Variants in SLC39A11 observed in about 807,000 individuals in gnomAD.
The protein encoded by SLC39A11 is solute carrier family 39 member 11.
SLC39A11 carries 33 observed loss-of-function variants against 36.1 expected under a neutral mutation model. The observed-to-expected ratio is 0.91, with a 90% CI of 0.69 to 1.22. The LOEUF (loss-of-function observed/expected upper bound fraction) is 1.22. Ranked by LOEUF, SLC39A11 falls within the 50% of genes most tolerant of loss-of-function variation. The pLI is 0.00. For synonymous variants in SLC39A11, 166 were observed against 170.3 expected (o/e 0.97, Z 0.20); for missense variants, 432 against 430.3 (o/e 1.00, Z -0.03).
chr17:73,007,014 G>A (rs2090224411), intron 4 of SLC39A11, among the ~76,000 whole-genome samples: 1 of 152,194 alleles, frequency 6.6e-6, no homozygotes, highest in Non-Finnish European at 1.5e-5. Flanking sequence ...GGGATGCAGA[G>A]GCAAACAAGA....
chr17:73,033,103 C>T (rs1045566112), intron 3 of SLC39A11, among the ~76,000 whole-genome samples: 7 of 152,154 alleles, frequency 4.6e-5, no homozygotes, highest in Admixed American at 2.6e-4. Context: ...AACCTAGATC[C>T]GTGGCATGTA....
intron 5 of SLC39A11, among the ~76,000 whole-genome samples, chr17:72,931,717 C>A (rs760457087): frequency 1.3e-4 from 20 of 152,240 alleles, no homozygotes; most frequent in Non-Finnish European, 2.6e-4. Context: ...ACAAGCCTCT[C>A]TGTAACTTCC....
chr17:72,835,727 A>C (rs2078507159), intron 6 of SLC39A11, among the ~76,000 whole-genome samples: 1 of 152,106 alleles, frequency 6.6e-6, no homozygotes, highest in Admixed American at 6.6e-5. Context: ...TCCCAACGAT[A>C]CACTCTGAAT....
At chr17:72,947,673 A>C (rs2085515900) in intron 5 of SLC39A11, 79 bp downstream of exon 5, 3 of 1,602,830 alleles carry the variant, frequency 1.9e-6, no homozygotes, top group Non-Finnish European at 2.6e-6. Flanking sequence ...TCATCCTACC[A>C]CCAGCCCCCA....
At chr17:73,078,004 T>C (rs925088435) in intron 3 of SLC39A11, among the ~76,000 whole-genome samples, 22 of 152,114 alleles carry the variant, frequency 1.4e-4, no homozygotes, top group African/African-American at 4.6e-4. Context: ...TTTGGGAGGC[T>C]GAGGTGGGTG....
intron 7 of SLC39A11, among the ~76,000 whole-genome samples, chr17:72,680,039 C>T (rs1443106059): frequency 1.6e-5 from 1 of 60,726 alleles, no homozygotes; most frequent in East Asian, 5.0e-4. Context: ...GAGACTCTGT[C>T]TCAAAAAAAA....
intron 7 of SLC39A11, among the ~76,000 whole-genome samples, chr17:72,684,011 A>G (rs902019952): frequency 2.0e-5 from 3 of 152,058 alleles, no homozygotes; most frequent in African/African-American, 7.2e-5. Context: ...AGGGCTATTC[A>G]AGTGCTTAGA....
At chr17:72,797,310 G>A (rs555443663) in intron 6 of SLC39A11, among the ~76,000 whole-genome samples, 65 of 152,194 alleles carry the variant, frequency 4.3e-4, no homozygotes, top group African/African-American at 1.6e-3. Flanking sequence ...GCAATACGGA[G>A]CCTCTGCAGG....
At chr17:72,714,329 C>T (rs1018850602) in intron 7 of SLC39A11, among the ~76,000 whole-genome samples, 1 of 151,906 alleles carries the variant, frequency 6.6e-6, no homozygotes, top group Admixed American at 6.6e-5. Flanking sequence ...GCACTCCAGC[C>T]TGGGTAACAG....
chr17:72,708,058 G>A (rs773250094), intron 7 of SLC39A11, among the ~76,000 whole-genome samples: 16 of 152,190 alleles, frequency 1.1e-4, no homozygotes, highest in African/African-American at 3.1e-4. Flanking sequence ...CTCCAGTTCC[G>A]AGGTTCTCCT....
At chr17:72,669,575 G>A (rs1416647892) in intron 7 of SLC39A11, among the ~76,000 whole-genome samples, 2 of 152,306 alleles carry the variant, frequency 1.3e-5, no homozygotes, top group East Asian at 1.9e-4. Context: ...AGGAAAACTC[G>A]ATGTGTCTTA....
intron 5 of SLC39A11, among the ~76,000 whole-genome samples, chr17:72,941,454 A>AG (rs1485691118): frequency 6.6e-6 from 1 of 152,234 alleles, no homozygotes; most frequent in Admixed American, 6.5e-5. Flanking sequence ...ATTTTGCTAC[A>AG]GCAGCCCTAG....
chr17:73,008,154 GTT>G (rs888229456), intron 4 of SLC39A11, among the ~76,000 whole-genome samples: 4 of 96,494 alleles, frequency 4.1e-5, no homozygotes, highest in African/African-American at 6.1e-5. Flanking sequence ...GGGGTTTGTT[GTT>G]TTTTTTTTGT....
intron 7 of SLC39A11, among the ~76,000 whole-genome samples, chr17:72,667,227 G>A (rs2070794593): frequency 6.6e-6 from 1 of 152,106 alleles, no homozygotes; most frequent in South Asian, 2.1e-4. Context: ...TCTAGCCCTG[G>A]ACCCTCACCC....
intron 6 of SLC39A11, among the ~76,000 whole-genome samples, chr17:72,846,561 ACT>A (rs976970264): frequency 1.6e-4 from 24 of 152,156 alleles, no homozygotes; most frequent in African/African-American, 5.6e-4. Context: ...GAGAAAGTAA[ACT>A]CTGAACCATC....
chr17:72,791,457 A>T (rs1196351239), intron 6 of SLC39A11, among the ~76,000 whole-genome samples: 1 of 152,226 alleles, frequency 6.6e-6, no homozygotes, highest in Non-Finnish European at 1.5e-5. Flanking sequence ...GTCTCAAAAC[A>T]AACAAACAAA....
At position 72,880,466 on chromosome 17, in the gene SLC39A11, G is replaced by C. The variant is rs551236733; in HGVS notation, c.431-30662C>G. Among the ~76,000 whole-genome samples the C allele has an allele frequency of 2.6e-4, 39 of 152,182 alleles. 1 individual carries two copies. In the South Asian group the frequency reaches 6.4e-3, roughly 25 times the overall value. ...GCATGCCTGTGGTCACAGCTACTTG[G>C]GAGACTGATGTGTGAGGATAACTTG... On this transcript the variant is annotated intron_variant, in intron 5 of 9. Coordinates refer to ENST00000255559, the MANE Select transcript of SLC39A11 (RefSeq NM_139177.4).
chr17:72,725,216 G>A (rs2073877179), intron 7 of SLC39A11, among the ~76,000 whole-genome samples: 1 of 152,208 alleles, frequency 6.6e-6, no homozygotes, highest in South Asian at 2.1e-4. Flanking sequence ...ATTTTTGGGT[G>A]TCTGGAAGTG....
At chr17:72,813,987 T>C (rs1004250461) in intron 6 of SLC39A11, among the ~76,000 whole-genome samples, 2 of 152,162 alleles carry the variant, frequency 1.3e-5, no homozygotes, top group African/African-American at 4.8e-5. Context: ...GCAAGATATA[T>C]AATGGGACTT....
Sources: gnomAD v4.1 joint callset for allele counts (sites outside exome capture counted in the v4.1 genomes callset) on GRCh38, gnomAD v4.1.1 for gene constraint, MANE v1.5 for transcripts, NCBI Gene and HGNC (gene_info 2026-07-23, HGNC 2026-07-21) for gene names.